COL5A3: variants seen among roughly 807,000 people sequenced by gnomAD.
COL5A3 encodes collagen type V alpha 3 chain.
A neutral mutation model predicts 250.0 loss-of-function variants in COL5A3; 172 were observed. That is an observed-to-expected ratio of 0.69 (90% CI 0.61 to 0.78). COL5A3 has a LOEUF of 0.78. Among genes scored for constraint, COL5A3 ranks in the 30% least tolerant of loss-of-function variants. The pLI, the probability that COL5A3 is intolerant of heterozygous loss-of-function variation, is 0.00. For missense variants in COL5A3, 2,340 were observed against 2,334.4 expected, an observed-to-expected ratio of 1.00 and a Z score of -0.05; for synonymous variants, 937 against 900.4, an observed-to-expected ratio of 1.04 and a Z score of -0.73.
intron 65 of COL5A3, among the ~76,000 whole-genome samples, chr19:9,961,725 A>AT (rs1366903541): frequency 2.0e-5 from 3 of 151,650 alleles, no homozygotes; most frequent in African/African-American, 2.4e-5. Flanking sequence ...CGCCCGGCTA[A>AT]TTTTTTGTAT....
At chr19:9,999,940 T>TAAATATACA (rs1280541246) in intron 8 of COL5A3, among the ~76,000 whole-genome samples, 1 of 152,060 alleles carries the variant, frequency 6.6e-6, no homozygotes, top group African/African-American at 2.4e-5. Context: ...GTATATTTTG[T>TAAATATACA]AAAGATAGGG....
intron 44 of COL5A3, 119 bp downstream of exon 44, chr19:9,977,110 C>T: frequency 2.1e-6 from 2 of 967,552 alleles, no homozygotes; most frequent in Non-Finnish European, 3.2e-6. Flanking sequence ...AAGATGGTAC[C>T]CGAGAAGGCA....
At chr19:9,995,731 C>G in intron 15 of COL5A3, 114 bp from the exon 16 acceptor site, 1 of 771,478 alleles carries the variant, frequency 1.3e-6, no homozygotes, top group African/African-American at 1.7e-5. Context: ...AGGCCAGACA[C>G]CTGGGCTCAA....
At position 9,966,313 on chromosome 19, in the gene COL5A3, C is replaced by A; in HGVS notation, c.4782+1G>T. 1 of 1,604,202 alleles carries A rather than the reference C, an allele frequency of 6.2e-7. No homozygotes were observed. Among genetic ancestry groups the A allele is most frequent in the Non-Finnish European group, 8.5e-7 (1 of 1,174,154 alleles). ...GGCGATGAGAGGTTTGGGTTACTCACGATCTCAAACTTCTTGTCGGGATAG... is the reference window on the plus strand; with the variant it reads ...GGCGATGAGAGGTTTGGGTTACTCAAGATCTCAAACTTCTTGTCGGGATAG... On this transcript the variant is annotated splice_donor_variant, in intron 64 of 66. Coordinates refer to ENST00000264828, the MANE Select transcript of COL5A3 (RefSeq NM_015719.4). LOFTEE classifies it high-confidence loss of function.
intron 1 of COL5A3, 46 bp from the exon 2 acceptor site, chr19:10,006,277 G>A: frequency 6.5e-7 from 1 of 1,532,650 alleles, no homozygotes. Context: ...GTGGGGAACA[G>A]CTAGAATAAG....
intron 53 of COL5A3, 143 bp downstream of exon 53, chr19:9,970,832 T>TG (rs2086834720): frequency 1.9e-6 from 2 of 1,052,766 alleles, no homozygotes; most frequent in South Asian, 3.7e-5. Flanking sequence ...CTCACATTCC[T>TG]GGGGGTCCCC....
Position 9,998,005 on chromosome 19 carries a change from A to G in COL5A3, c.1179T>C (p.Pro393=), listed in dbSNP as rs1568428515. The G allele has an allele frequency of 1.9e-6, 3 of 1,614,078 alleles. No homozygotes were observed. The highest frequency in any genetic ancestry group is 2.5e-6 in the Non-Finnish European group (3 of 1,180,006). ...VIEKGQQFEG[P]PGAPGPQGVV... ...TTACTTGGGGTCCTGGGGCTCCTGG[A>G]GGTCCCTCAAACTGCTGCCCCTGAA... Residue 393 remains proline, a synonymous_variant, in exon 10 of 67, where the codon CCT becomes CCC. Transcript: ENST00000264828.
chr19:9,993,179 G>A (rs1447779507), intron 19 of COL5A3, 112 bp from the exon 20 acceptor site: 2 of 1,253,226 alleles, frequency 1.6e-6, no homozygotes, highest in African/African-American at 3.0e-5. Flanking sequence ...CAGGATCCCT[G>A]GGAACCTGCA....
rs922481677 is a variant in COL5A3, at chr19:9,978,722, C to G, written c.2965-95G>C. On this transcript the variant is annotated intron_variant, in intron 40 of 66. Transcript: ENST00000264828. The stretch of plus-strand genomic sequence containing the variant: ...GGAGCTCACAGTCCCCACCTCTCTC[C>G]TGGGACTGGACACTGAGCTTTGAGG... 3 of 979,570 alleles carry G rather than the reference C, an allele frequency of 3.1e-6. No homozygotes were observed. In the African/African-American group the frequency reaches 5.1e-5, roughly 17 times the overall value. The allele number at this position is 979,570 out of a possible 1,614,324, so 60.7% of individuals were successfully genotyped here.
rs539291817 is a variant in COL5A3 at position 9,986,823 on chromosome 19, C to G, written c.2146-65G>C. ...GCTTAAGAAGTGACCCAGACTCAGTCCCCTGCTCTAAAGCAGCCAGGATAG... is the reference window on the plus strand; with the variant it reads ...GCTTAAGAAGTGACCCAGACTCAGTGCCCTGCTCTAAAGCAGCCAGGATAG... On this transcript the variant is annotated intron_variant, in intron 27 of 66. Coordinates refer to ENST00000264828, the MANE Select transcript of COL5A3 (RefSeq NM_015719.4). The G allele has an allele frequency of 6.2e-4, 976 of 1,573,428 alleles. 10 individuals carry two copies. In the South Asian group the frequency reaches 0.01, roughly 17 times the overall value.
intron 30 of COL5A3, 138 bp downstream of exon 30, chr19:9,986,177 T>G: frequency 1.5e-6 from 1 of 655,272 alleles, no homozygotes; most frequent in Non-Finnish European, 2.6e-6. Flanking sequence ...TGCTCTGTAA[T>G]GCTGAGCTGA....
Position 9,993,403 on chromosome 19 carries a change from G to A in COL5A3, c.1726C>T (p.Pro576Ser). The A allele has an allele frequency of 9.9e-6, 16 of 1,614,120 alleles. No individual in the cohort carries two copies. The highest frequency in any genetic ancestry group is 2.2e-5 in the East Asian group (1 of 44,886). Residue 576 changes from proline to serine, a missense_variant, in exon 19 of 67, where the codon CCC becomes TCC. Transcript: ENST00000264828. Reference protein sequence around the residue: ...GDFGHVGQPGPPGEDGERGAE... With the variant: ...GDFGHVGQPGSPGEDGERGAE... ...ACCCTCTCACCATCCTCTCCTGGGG[G>A]ACCGGGTTGCCCCACATGGCCAAAG...
At chr19:9,965,609 C>A (rs939406733) in intron 64 of COL5A3, among the ~76,000 whole-genome samples, 1 of 151,862 alleles carries the variant, frequency 6.6e-6, no homozygotes, top group African/African-American at 2.4e-5. Flanking sequence ...CCCGCCATCA[C>A]GCTCAGCTGA....
intron 53 of COL5A3, 26 bp downstream of exon 53, chr19:9,970,949 A>C: frequency 6.4e-7 from 1 of 1,552,046 alleles, no homozygotes; most frequent in Non-Finnish European, 8.7e-7. Flanking sequence ...CCGCCTCAGC[A>C]CCACACCCTC....
At chr19:9,971,642 G>A (rs1014756453) in intron 51 of COL5A3, among the ~76,000 whole-genome samples, 2 of 151,524 alleles carry the variant, frequency 1.3e-5, no homozygotes, top group African/African-American at 4.9e-5. Context: ...CATTCAAGTC[G>A]AGGTCCCACA....
chr19:9,997,567 A>C, intron 10 of COL5A3, 134 bp from the exon 11 acceptor site: 1 of 617,230 alleles, frequency 1.6e-6, no homozygotes, highest in Middle Eastern at 2.7e-4. Flanking sequence ...CCCCTAATGC[A>C]ATACTGACCC....
chr19:10,003,824 T>C lies in COL5A3; in HGVS notation c.700-110A>G. 19 of 1,424,318 alleles carry C rather than the reference T, an allele frequency of 1.3e-5. 1 individual carries two copies. The highest frequency in any genetic ancestry group is 1.8e-5 in the Non-Finnish European group (19 of 1,034,074). The allele number at this position is 1,424,318 out of a possible 1,614,324, so 88.2% of individuals were successfully genotyped here. On this transcript the variant is annotated intron_variant, in intron 5 of 66. Transcript: ENST00000264828. Reference sequence around the variant, plus strand: ...TGGCCCGTGGGTCCTCACTCAGCCCTGTGACCTGGAGTCAACGTTATTCAT... The same window carrying C: ...TGGCCCGTGGGTCCTCACTCAGCCCCGTGACCTGGAGTCAACGTTATTCAT...
Position 9,960,532 on chromosome 19 carries a change from AG to A in COL5A3, c.5116del (p.Leu1706PhefsTer135). 6.2e-7 allele frequency: 1 copy of A among 1,614,172 alleles called. No homozygotes were observed. The highest frequency in any genetic ancestry group is 8.5e-7 in the Non-Finnish European group (1 of 1,180,034). ...CGCTCGAGAAGAGCTGAATTCGAAA[AG>A]GGTCTTCGTCTGTCCTTTCCGGAGC... Reference protein sequence around the residue: ...CRLRKGQTKTLFEFSSSRAGF... With the variant: ...CRLRKGQTKTXFEFSSSRAGF... On this transcript the variant is annotated frameshift_variant, in exon 67 of 67. Coordinates refer to ENST00000264828, the MANE Select transcript of COL5A3 (RefSeq NM_015719.4). LOFTEE classifies it low-confidence loss of function (END_TRUNC).
At chr19:10,005,752 C>T (rs1285394933) in intron 3 of COL5A3, 38 bp from the exon 4 acceptor site, 1 of 1,598,826 alleles carries the variant, frequency 6.3e-7, no homozygotes, top group East Asian at 2.2e-5. Context: ...GCTTCTCACC[C>T]CACCCCTTAT....
Sources: allele counts gnomAD v4.1 joint callset (sites outside exome capture counted in the v4.1 genomes callset), GRCh38; gene constraint gnomAD v4.1.1; transcripts MANE v1.5; gene names NCBI Gene and HGNC (gene_info 2026-07-23, HGNC 2026-07-21).